Variants in VPS13A observed in about 807,000 individuals in gnomAD.
VPS13A encodes vacuolar protein sorting 13 homolog A, also known as intermembrane lipid transfer protein VPS13A.
In VPS13A, 264 loss-of-function variants were observed where a neutral mutation model predicts 390.9. The ratio of observed to expected loss-of-function variants is 0.68; its 90% CI spans 0.61 to 0.75. The LOEUF is 0.75. VPS13A is among the 30% of genes least tolerant of loss of function. The pLI is 0.00. For synonymous variants in VPS13A, 1,231 were observed against 1,227.1 expected, an observed-to-expected ratio of 1.00 and a Z score of -0.07; for missense variants, 3,409 against 3,733.9, an observed-to-expected ratio of 0.91 and a Z score of 2.27.
Position 77,252,365 on chromosome 9 carries a change from T to A in VPS13A, c.2288+13T>A, listed in dbSNP as rs1825191993. Reference sequence around the variant, plus strand: ...TAAGGATGCCCAAGTATGTACTGTTTGTTTCATGTGAATATGGATTTTCTG... The same window carrying A: ...TAAGGATGCCCAAGTATGTACTGTTAGTTTCATGTGAATATGGATTTTCTG... On this transcript the variant is annotated intron_variant, in intron 22 of 71. Coordinates refer to ENST00000360280, the MANE Select transcript of VPS13A (RefSeq NM_033305.3). 6.3e-7 allele frequency: 1 copy of A among 1,587,850 alleles called. No homozygotes were observed. The highest frequency in any genetic ancestry group is 8.6e-7 in the Non-Finnish European group (1 of 1,156,292).
chr9:77,353,434 G>T lies in VPS13A; in HGVS notation c.7445G>T (p.Gly2482Val). Residue 2482 changes from glycine (G) to valine (V), a missense_variant, in exon 54 of 72, where the codon GGG becomes GTG. Transcript: ENST00000360280. ...GATATGATGATGCCTATAGATTTGG[G>T]GGAAAAGACAATATATTTAGTTTCA... Reference protein sequence around the residue: ...KDDMMMPIDLGEKTIYLVSFF... With the variant: ...KDDMMMPIDLVEKTIYLVSFF... The T allele has an allele frequency of 1.2e-6, 2 of 1,610,474 alleles. No individual in the cohort carries two copies. The highest frequency in any genetic ancestry group is 2.2e-5 in the East Asian group (1 of 44,724).
rs943579024 is a variant in VPS13A at position 77,370,121 on chromosome 9, T to A, written c.8668-136T>A. On this transcript the variant is annotated intron_variant, in intron 63 of 71. Transcript: ENST00000360280. ...CCTAGGAATTCTTTTAATGTGAAAC[T>A]TTTTGCTGATATTACTTCCTCTGGG... The A allele has an allele frequency of 5.3e-6, 5 of 948,592 alleles. No individual in the cohort carries two copies. In the Admixed American group the frequency reaches 8.0e-5, roughly 15 times the overall value. The allele number at this position is 948,592 out of a possible 1,614,324, so 58.8% of individuals were successfully genotyped here. A position where few individuals can be genotyped will look rare whatever the true frequency, so the allele number is the denominator to read the frequency against.
chr9:77,339,956 T>C (rs957769314), intron 48 of VPS13A, 45 bp downstream of exon 48: 2 of 1,592,510 alleles, frequency 1.3e-6, no homozygotes, highest in East Asian at 2.2e-5. Context: ...TAGCTACTTG[T>C]CACTTTTTAG....
At chr9:77,329,635 A>T (rs1248701552) in intron 45 of VPS13A, among the ~76,000 whole-genome samples, 1 of 152,242 alleles carries the variant, frequency 6.6e-6, no homozygotes, top group Non-Finnish European at 1.5e-5. Flanking sequence ...AGTTACCAAA[A>T]TATGACAGTG....
intron 53 of VPS13A, among the ~76,000 whole-genome samples, chr9:77,351,959 C>A (rs1563950126): frequency 6.6e-6 from 1 of 152,176 alleles, no homozygotes; most frequent in South Asian, 2.1e-4. Flanking sequence ...AACTGCCAAA[C>A]GTCTTCAAAA....
chr9:77,283,395 G>A lies in VPS13A; in HGVS notation c.3159G>A (p.Gln1053=), dbSNP rs752425922. 2 of 1,607,358 alleles carry A rather than the reference G, an allele frequency of 1.2e-6. No homozygotes were observed. Among genetic ancestry groups the A allele is most frequent in the Non-Finnish European group, 1.7e-6 (2 of 1,174,836 alleles). Residue 1053 remains glutamine (Q), a synonymous_variant, in exon 30 of 72, where the codon CAG becomes CAA. Coordinates refer to ENST00000360280, the MANE Select transcript of VPS13A (RefSeq NM_033305.3). ...LSTNEDIITL[Q]ILAELSCLQI... is the part of the protein sequence containing the mutation. ...CAAATGAAGATATCATTACTTTGCA[G>A]ATTTTAGCAGAATTATCGTGTTTAC...
chr9:77,237,985 T>C lies in VPS13A; in HGVS notation c.1596-17T>C. 1 of 1,051,248 alleles carries C rather than the reference T, an allele frequency of 9.5e-7. No homozygotes were observed. The highest frequency in any genetic ancestry group is 2.4e-5 in the Admixed American group (1 of 41,780). 65.1% of individuals were successfully genotyped at this position (1,051,248 alleles called of 1,614,324 possible). A position where few individuals can be genotyped will look rare whatever the true frequency, so the allele number is the denominator to read the frequency against. ...ATTTTACTGATCGCTGACTTTTTTC[T>C]TTTTTTTTTAATGCAGATTTGAAAC... On this transcript the variant is annotated splice_polypyrimidine_tract_variant and intron_variant, in intron 17 of 71. Coordinates refer to ENST00000360280, the MANE Select transcript of VPS13A (RefSeq NM_033305.3).
chr9:77,329,645 G>C lies in VPS13A; in HGVS notation c.5992-2365G>C, dbSNP rs78017184. 3.3e-3 allele frequency among the ~76,000 whole-genome samples: 505 copies of C among 152,310 alleles called. 4 individuals carry two copies. The highest frequency in any genetic ancestry group is 3.4e-3 in the Middle Eastern group (1 of 294). The stretch of plus-strand genomic sequence containing the variant: ...GTGAGAGTTACCAAAATATGACAGT[G>C]AGGCACTTAGTGAGCACATGCTGTT... On this transcript the variant is annotated intron_variant, in intron 45 of 71. Coordinates refer to ENST00000360280, the MANE Select transcript of VPS13A (RefSeq NM_033305.3).
At chr9:77,242,185 T>C (rs1824535803) in intron 19 of VPS13A, among the ~76,000 whole-genome samples, 1 of 152,184 alleles carries the variant, frequency 6.6e-6, no homozygotes, top group Non-Finnish European at 1.5e-5. Context: ...ATTTTTCTCT[T>C]GCCATTTTTA....
rs1395855819 is a variant in VPS13A, at chr9:77,382,329, G to A, written c.9189+242G>A. 3.9e-6 allele frequency: 6 copies of A among 1,540,470 alleles called. No homozygotes were observed. In the Admixed American group the frequency reaches 8.0e-5, roughly 20 times the overall value. On this transcript the variant is annotated intron_variant, in intron 68 of 71. Transcript: ENST00000360280. ...TTAATGCATGACTTTGCAAGTGAAA[G>A]CCAACAGTAGATTTTAGTCTTAAAA...
At chr9:77,207,237 A>ATATATATATC (rs1554859954) in intron 5 of VPS13A, among the ~76,000 whole-genome samples, 2 of 79,536 alleles carry the variant, frequency 2.5e-5, no homozygotes, top group Non-Finnish European at 5.6e-5. Context: ...ATATATATAT[A>ATATATATATC]TATATATATA....
In VPS13A at chr9:77,177,627, C is replaced by T. The variant is rs1317307921; in HGVS notation, c.-78C>T. ...CCCCGGAGCCGGTGAACCGAATTAC[C>T]TCGAGGGAGGGGCGTGGGGAAGGCG... On this transcript the variant is annotated 5_prime_UTR_variant, in exon 1 of 72. Coordinates refer to ENST00000360280, the MANE Select transcript of VPS13A (RefSeq NM_033305.3). 5.8e-6 allele frequency: 8 copies of T among 1,381,416 alleles called. No homozygotes were observed. Among genetic ancestry groups the T allele is most frequent in the African/African-American group, 5.7e-5 (4 of 70,426 alleles). The allele number at this position is 1,381,416 out of a possible 1,614,324, so 85.6% of individuals were successfully genotyped here. A position where few individuals can be genotyped will look rare whatever the true frequency, so the allele number is the denominator to read the frequency against.
intron 24 of VPS13A, 50 bp downstream of exon 24, chr9:77,273,414 T>A: frequency 6.9e-7 from 1 of 1,455,686 alleles, no homozygotes; most frequent in Non-Finnish European, 9.3e-7. Flanking sequence ...TAAAATAATT[T>A]CTGTTTTGAG....
chr9:77,282,935 A>G (rs2131348791), intron 29 of VPS13A, among the ~76,000 whole-genome samples: 1 of 152,060 alleles, frequency 6.6e-6, no homozygotes, highest in Middle Eastern at 3.4e-3. Flanking sequence ...CATCCTGGGT[A>G]ACAGAGAGAG....
intron 52 of VPS13A, among the ~76,000 whole-genome samples, chr9:77,348,801 T>A (rs1831305753): frequency 6.6e-6 from 1 of 152,170 alleles, no homozygotes; most frequent in African/African-American, 2.4e-5. Flanking sequence ...AGGACTATGG[T>A]TAGTTTCCCT....
intron 45 of VPS13A, among the ~76,000 whole-genome samples, chr9:77,326,978 C>T (rs1157964255): frequency 6.6e-6 from 1 of 152,164 alleles, no homozygotes; most frequent in Non-Finnish European, 1.5e-5. Flanking sequence ...TCAAGTACAA[C>T]ATGCTGTGAA....
intron 68 of VPS13A, among the ~76,000 whole-genome samples, chr9:77,394,817 TCC>T (rs1227081679): frequency 1.3e-5 from 2 of 152,186 alleles, no homozygotes; most frequent in Non-Finnish European, 1.5e-5. Flanking sequence ...GTGAATTCTT[TCC>T]TTAAACCTCA....
chr9:77,317,679 T>C lies in VPS13A; in HGVS notation c.4937T>C (p.Val1646Ala). ...GTDPQVIDMS[V>A]KSLTLKVSPV... ...GATCCACAAGTGATCGATATGTCAGTAAAATCCCTGACACTAAAGGTAAAT... is the reference window on the plus strand; with the variant it reads ...GATCCACAAGTGATCGATATGTCAGCAAAATCCCTGACACTAAAGGTAAAT... The change falls in exon 40 of 72, where the codon GTA becomes GCA. Residue 1646 changes from valine to alanine, a missense_variant. Transcript: ENST00000360280. 6.3e-7 allele frequency: 1 copy of C among 1,597,214 alleles called. No homozygotes were observed. Among genetic ancestry groups the C allele is most frequent in the Non-Finnish European group, 8.5e-7 (1 of 1,170,790 alleles).
At chr9:77,383,064 G>A in intron 68 of VPS13A, 1 of 977,340 alleles carries the variant, frequency 1.0e-6, no homozygotes, top group Non-Finnish European at 1.2e-6. Flanking sequence ...TAAACTGTTG[G>A]AATATGAAGC....
Sources: gnomAD v4.1 joint callset for allele counts (sites outside exome capture counted in the v4.1 genomes callset) on GRCh38, gnomAD v4.1.1 for gene constraint, MANE v1.5 for transcripts, NCBI Gene and HGNC (gene_info 2026-07-23, HGNC 2026-07-21) for gene names.